Variants in BRF1 observed in about 807,000 individuals in gnomAD.
BRF1 encodes BRF1 general transcription factor IIIB subunit.
In BRF1, 59 loss-of-function variants were observed where a neutral mutation model predicts 81.7. That is an observed-to-expected ratio of 0.72 (90% CI 0.59 to 0.90). BRF1 has a LOEUF of 0.90. BRF1 is among the 40% of genes least tolerant of loss of function. The pLI is 0.00. For missense variants in BRF1, 1,050 were observed against 936.3 expected, an observed-to-expected ratio of 1.12 and a Z score of -1.58; for synonymous variants, 491 against 395.6, an observed-to-expected ratio of 1.24 and a Z score of -2.86.
chr14:105,313,845 G>C (rs2058427224), intron 1 of BRF1, among the ~76,000 whole-genome samples: 2 of 152,206 alleles, frequency 1.3e-5, no homozygotes, highest in East Asian at 3.9e-4. Context: ...CAAACAGATG[G>C]GGGAAGCACC....
chr14:105,282,025 C>T (rs994880906), intron 2 of BRF1, among the ~76,000 whole-genome samples: 4 of 152,178 alleles, frequency 2.6e-5, no homozygotes, highest in African/African-American at 9.7e-5. Flanking sequence ...AGCGGCATTT[C>T]AGAACCGTCG....
At chr14:105,243,410 AC>A (rs587708805) in intron 5 of BRF1, among the ~76,000 whole-genome samples, 228 of 151,230 alleles carry the variant, frequency 1.5e-3, no homozygotes, top group African/African-American at 5.2e-3. Context: ...AGATCATGCC[AC>A]TGCACTCCAG....
chr14:105,215,756 C>G lies in BRF1; in HGVS notation c.1772+1788G>C, dbSNP rs587706571. Among the ~76,000 whole-genome samples, 4 of 148,500 alleles carry G rather than the reference C, an allele frequency of 2.7e-5. No individual in the cohort carries two copies. In the East Asian group the frequency reaches 8.2e-4, roughly 30 times the overall value. ...CACACACTGCATACACAGACACAGG[C>G]ACATACACATGCACACACACTGCAC... On this transcript the variant is annotated intron_variant, in intron 15 of 17. Coordinates refer to ENST00000547530, the MANE Select transcript of BRF1 (RefSeq NM_001519.4).
chr14:105,293,881 C>G (rs2057624064), intron 1 of BRF1, among the ~76,000 whole-genome samples: 2 of 152,188 alleles, frequency 1.3e-5, no homozygotes. Context: ...GAAGCTGTAT[C>G]AGGCTTAGTT....
chr14:105,279,603 T>A (rs587602732), intron 2 of BRF1, among the ~76,000 whole-genome samples: 24 of 152,328 alleles, frequency 1.6e-4, no homozygotes, highest in Admixed American at 1.6e-3. Flanking sequence ...CACTGCTTCC[T>A]GGTGGGAACA....
intron 1 of BRF1, among the ~76,000 whole-genome samples, chr14:105,311,145 G>A (rs976972948): frequency 6.6e-6 from 1 of 152,066 alleles, no homozygotes; most frequent in Non-Finnish European, 1.5e-5. Flanking sequence ...GTAGAGATGG[G>A]GTTTCACTAT....
At chr14:105,280,999 T>C (rs1407538074) in intron 2 of BRF1, among the ~76,000 whole-genome samples, 1 of 146,056 alleles carries the variant, frequency 6.8e-6, no homozygotes, top group Non-Finnish European at 1.5e-5. Flanking sequence ...AGCCCGGGTG[T>C]GTGGATACAG....
At chr14:105,266,382 C>G (rs1316785124) in intron 3 of BRF1, among the ~76,000 whole-genome samples, 1 of 152,060 alleles carries the variant, frequency 6.6e-6, no homozygotes, top group Non-Finnish European at 1.5e-5. Flanking sequence ...CACAGTGGTA[C>G]AGCCTGGGAG....
At chr14:105,293,271 C>T (rs1205112382) in intron 1 of BRF1, among the ~76,000 whole-genome samples, 1 of 152,210 alleles carries the variant, frequency 6.6e-6, no homozygotes, top group African/African-American at 2.4e-5. Context: ...CCCTCCAGGG[C>T]CAGCGCCAGG....
At chr14:105,211,693 C>T (rs990195788) in intron 16 of BRF1, 4 of 351,950 alleles carry the variant, frequency 1.1e-5, no homozygotes, top group African/African-American at 2.1e-5. Flanking sequence ...CCCCAGCCCC[C>T]GCCACCTGCC....
chr14:105,281,469 G>A (rs587711390), intron 2 of BRF1, among the ~76,000 whole-genome samples: 4 of 149,120 alleles, frequency 2.7e-5, no homozygotes, highest in Admixed American at 1.3e-4. Flanking sequence ...TACAGCCTGC[G>A]TGACCCTGAG....
chr14:105,223,616 A>G (rs1274542673), intron 10 of BRF1, among the ~76,000 whole-genome samples: 1 of 152,238 alleles, frequency 6.6e-6, no homozygotes, highest in Admixed American at 6.5e-5. Context: ...TCGTGAAAAA[A>G]GTAGCTCACT....
At chr14:105,286,893 T>C (rs1283048932) in intron 1 of BRF1, among the ~76,000 whole-genome samples, 1 of 152,220 alleles carries the variant, frequency 6.6e-6, no homozygotes, top group African/African-American at 2.4e-5. Flanking sequence ...CTGCAAGTGG[T>C]GCACACACAG....
chr14:105,212,206 C>A (rs370326351), intron 15 of BRF1, 42 bp from the exon 16 acceptor site: 289 of 1,593,398 alleles, frequency 1.8e-4, no homozygotes, highest in Non-Finnish European at 2.3e-4. Context: ...GCCCAGGCTC[C>A]CGAACGCCTG....
chr14:105,256,268 C>T, intron 4 of BRF1: 1 of 1,544,938 alleles, frequency 6.5e-7, no homozygotes, highest in African/African-American at 1.4e-5. Flanking sequence ...CTAGCTAACA[C>T]CCAACCGTGC....
At chr14:105,302,879 C>T (rs1432656304), upstream of BRF1, among the ~76,000 whole-genome samples, 2 of 152,178 alleles carry the variant, frequency 1.3e-5, no homozygotes, top group African/African-American at 2.4e-5. Context: ...CTGCTCCCCG[C>T]CCTGTCCTCC....
At chr14:105,241,936 G>C (rs1378390749) in intron 5 of BRF1, 9 of 177,376 alleles carry the variant, frequency 5.1e-5, no homozygotes, top group Non-Finnish European at 9.7e-5. Context: ...ACCTCTGCCA[G>C]CACGGCACAG....
At chr14:105,305,679 G>A (rs2058166547), upstream of BRF1, among the ~76,000 whole-genome samples, 1 of 152,238 alleles carries the variant, frequency 6.6e-6, no homozygotes. Context: ...GTTAGAGGGA[G>A]AATGCGGAGA....
intron 5 of BRF1, chr14:105,249,871 A>T: frequency 6.2e-7 from 1 of 1,612,298 alleles, no homozygotes; most frequent in Non-Finnish European, 8.5e-7. Flanking sequence ...AGATGGCCCT[A>T]CGGTCCGAAG....
Sources: allele counts gnomAD v4.1 joint callset (sites outside exome capture counted in the v4.1 genomes callset), GRCh38; gene constraint gnomAD v4.1.1; transcripts MANE v1.5; gene names NCBI Gene and HGNC (gene_info 2026-07-23, HGNC 2026-07-21).